CNTLN: variants seen among roughly 807,000 people sequenced by gnomAD.
CNTLN encodes centlein, centrosomal protein.
In CNTLN, 212 loss-of-function variants were observed where a neutral mutation model predicts 180.0. The ratio of observed to expected loss-of-function variants is 1.18; its 90% CI spans 1.05 to 1.32. CNTLN has a LOEUF of 1.32. Ranked by LOEUF, CNTLN falls within the 40% of genes most tolerant of loss-of-function variation. The pLI is 0.00. For missense variants in CNTLN, 2,095 were observed against 1,610.9 expected (o/e 1.30, Z -5.14); for synonymous variants, 722 against 563.1 (o/e 1.28, Z -3.99).
intron 19 of CNTLN, among the ~76,000 whole-genome samples, chr9:17,461,860 G>A (rs894653584): frequency 2.0e-5 from 3 of 151,650 alleles, no homozygotes. Context: ...ACTAAGTGAT[G>A]TCTTAGATTA....
At chr9:17,253,456 T>C (rs569081844) in intron 5 of CNTLN, among the ~76,000 whole-genome samples, 2 of 151,798 alleles carry the variant, frequency 1.3e-5, no homozygotes, top group South Asian at 4.2e-4. Flanking sequence ...GTTTTGTTTG[T>C]TTGTTTTGTA....
chr9:17,519,085 G>GTTATTTACTTATTTATTATTTATTTAT, the CNTLN span, among the ~76,000 whole-genome samples: 6 of 151,126 alleles, frequency 4.0e-5, no homozygotes, highest in African/African-American at 1.5e-4. Flanking sequence ...ACCAGGCCTA[G>GTTATTTACTTATTTATTATTTATTTAT]TTATTTATTT....
At chr9:17,435,264 G>T (rs957207123) in intron 18 of CNTLN, among the ~76,000 whole-genome samples, 25 of 152,150 alleles carry the variant, frequency 1.6e-4, no homozygotes, top group African/African-American at 5.8e-4. Flanking sequence ...TTTTTGGAAA[G>T]AGAGGCACTC....
chr9:17,203,300 G>C (rs915737840), intron 2 of CNTLN, among the ~76,000 whole-genome samples: 5 of 152,120 alleles, frequency 3.3e-5, no homozygotes, highest in African/African-American at 1.2e-4. Context: ...TGGAGAATCT[G>C]ACGGTTATGT....
intron 5 of CNTLN, among the ~76,000 whole-genome samples, chr9:17,242,001 T>A (rs1283060170): frequency 6.6e-6 from 1 of 152,192 alleles, no homozygotes; most frequent in East Asian, 1.9e-4. Flanking sequence ...CAAACAAGGA[T>A]GATTTGACTA....
At chr9:17,454,725 T>G (rs906946328) in intron 18 of CNTLN, among the ~76,000 whole-genome samples, 1 of 152,306 alleles carries the variant, frequency 6.6e-6, no homozygotes, top group South Asian at 2.1e-4. Context: ...CTTTGTTAGG[T>G]AGACAAGCAC....
At chr9:17,444,209 T>C (rs1444823995) in intron 18 of CNTLN, 2 of 152,206 alleles carry the variant, frequency 1.3e-5, no homozygotes, top group African/African-American at 4.8e-5. Context: ...CAGACCAGCT[T>C]TCTCCATGCA....
chr9:17,226,090 C>T, intron 2 of CNTLN, 113 bp from the exon 3 acceptor site: 1 of 543,702 alleles, frequency 1.8e-6, no homozygotes, highest in Non-Finnish European at 3.1e-6. Flanking sequence ...ATGTGGTCAA[C>T]TCAAGATGAT....
intron 2 of CNTLN, among the ~76,000 whole-genome samples, chr9:17,203,478 AGGTTT>A (rs1822693592): frequency 6.6e-6 from 1 of 152,052 alleles, no homozygotes; most frequent in African/African-American, 2.4e-5. Context: ...AATCATTCGT[AGGTTT>A]GGTCTTGTCA....
rs1173032868 is a variant in CNTLN at position 17,466,101 on chromosome 9, G to C, written c.3652G>C (p.Glu1218Gln). The change falls in exon 22 of 26, where the codon GAG becomes CAG. Residue 1218 changes from glutamate to glutamine, a missense_variant. Coordinates refer to ENST00000380647, the MANE Select transcript of CNTLN (RefSeq NM_017738.4). The stretch of plus-strand genomic sequence containing the variant: ...TGAACAGATGTATCAGAAATCTAAA[G>C]AGGAGTTAGAAAAAAAGGTATGCTT... Reference protein sequence around the residue: ...QYEQMYQKSKEELEKKDLKLT... With the variant: ...QYEQMYQKSKQELEKKDLKLT... 1 of 1,602,520 alleles carries C rather than the reference G, an allele frequency of 6.2e-7. No individual in the cohort carries two copies. The highest frequency in any genetic ancestry group is 1.7e-5 in the Admixed American group (1 of 58,836).
intron 2 of CNTLN, among the ~76,000 whole-genome samples, chr9:17,209,326 T>A (rs151214170): frequency 5.1e-4 from 78 of 152,324 alleles, no homozygotes; most frequent in Middle Eastern, 6.8e-3. Flanking sequence ...AATTTTTTAT[T>A]GAGTCACATA....
the CNTLN span, among the ~76,000 whole-genome samples, chr9:17,511,814 G>T: frequency 6.6e-6 from 1 of 152,120 alleles, no homozygotes; most frequent in Non-Finnish European, 1.5e-5. Flanking sequence ...TAAAGGGGAG[G>T]CTACTGGGGA....
the CNTLN span, among the ~76,000 whole-genome samples, chr9:17,509,807 C>A: frequency 6.6e-6 from 1 of 152,146 alleles, no homozygotes; most frequent in Non-Finnish European, 1.5e-5. Flanking sequence ...TGACTTTATG[C>A]TTTCCTATCC....
At chr9:17,425,395 G>C (rs1010864196) in intron 18 of CNTLN, among the ~76,000 whole-genome samples, 2 of 152,150 alleles carry the variant, frequency 1.3e-5, no homozygotes, top group Admixed American at 1.3e-4. Flanking sequence ...GCATCTGCAA[G>C]CCAGGAAGCG....
In CNTLN at chr9:17,503,486, G is replaced by A. The variant is rs910222609; in HGVS notation, c.*834G>A. The A allele has an allele frequency of 1.3e-5, 2 of 152,066 alleles. No individual in the cohort carries two copies. Among genetic ancestry groups the A allele is most frequent in the East Asian group, 1.9e-4 (1 of 5,188 alleles). 9.4% of individuals were successfully genotyped at this position (152,066 alleles called of 1,614,324 possible). A position where few individuals can be genotyped will look rare whatever the true frequency, so the allele number is the denominator to read the frequency against. On this transcript the variant is annotated 3_prime_UTR_variant, in exon 26 of 26. Coordinates refer to ENST00000380647, the MANE Select transcript of CNTLN (RefSeq NM_017738.4). ...GGTTCCTCTAATTCACCATACTGGT[G>A]CCTGCCTCCCACATTTGCCCTTGGT...
At chr9:17,293,774 G>T (rs1294239855) in intron 6 of CNTLN, among the ~76,000 whole-genome samples, 1 of 152,156 alleles carries the variant, frequency 6.6e-6, no homozygotes, top group African/African-American at 2.4e-5. Flanking sequence ...GTCGTAGGTA[G>T]TCACCAGCCC....
chr9:17,260,928 G>T (rs1034256633), intron 5 of CNTLN, among the ~76,000 whole-genome samples: 5 of 151,346 alleles, frequency 3.3e-5, no homozygotes, highest in East Asian at 1.9e-4. Flanking sequence ...TATTGAATAG[G>T]GGGTCTTTTC....
At chr9:17,233,768 G>A (rs72700167) in intron 3 of CNTLN, among the ~76,000 whole-genome samples, 8,454 of 152,130 alleles carry the variant, frequency 0.056, 368 homozygotes, top group Non-Finnish European at 0.084. Flanking sequence ...AACATATGTT[G>A]AGCAAAAATA....
Position 17,309,263 on chromosome 9 carries a change from T to C in CNTLN, c.1341+11T>C. 1 of 1,532,748 alleles carries C rather than the reference T, an allele frequency of 6.5e-7. No individual in the cohort carries two copies. The highest frequency in any genetic ancestry group is 1.3e-5 in the South Asian group (1 of 76,258). 94.9% of individuals were successfully genotyped at this position (1,532,748 alleles called of 1,614,324 possible). On this transcript the variant is annotated intron_variant, in intron 8 of 25. Coordinates refer to ENST00000380647, the MANE Select transcript of CNTLN (RefSeq NM_017738.4). ...GACTACTCAGCACAGGTGAGAGACATTTTCTAAAACTGTTATTCAGTGTAA... is the reference window on the plus strand; with the variant it reads ...GACTACTCAGCACAGGTGAGAGACACTTTCTAAAACTGTTATTCAGTGTAA...
Sources: allele counts gnomAD v4.1 joint callset (sites outside exome capture counted in the v4.1 genomes callset), GRCh38; gene constraint gnomAD v4.1.1; transcripts MANE v1.5; gene names NCBI Gene and HGNC (gene_info 2026-07-23, HGNC 2026-07-21).